Variants in CAMK1D observed in about 807,000 individuals in gnomAD.
CAMK1D encodes calcium/calmodulin dependent protein kinase ID.
CAMK1D carries 9 observed loss-of-function variants against 47.7 expected under a neutral mutation model. The observed-to-expected ratio is 0.19, with a 90% CI of 0.11 to 0.33. The LOEUF (loss-of-function observed/expected upper bound fraction) is 0.33, where lower values mean the gene tolerates loss of function less well. CAMK1D is among the 10% of genes least tolerant of loss of function. The pLI, the probability that CAMK1D is intolerant of heterozygous loss-of-function variation, is 1.00. For missense variants in CAMK1D, 291 were observed against 488.7 expected, an observed-to-expected ratio of 0.60 and a Z score of 3.81; for synonymous variants, 184 against 184.9, an observed-to-expected ratio of 0.99 and a Z score of 0.04.
intron 1 of CAMK1D, among the ~76,000 whole-genome samples, chr10:12,436,740 C>G (rs1046330706): frequency 2.0e-5 from 3 of 152,138 alleles, no homozygotes; most frequent in African/African-American, 7.2e-5. Context: ...TCCCTGAGAC[C>G]AACGGGTGAT....
At chr10:12,427,037 A>G (rs1840258014) in intron 1 of CAMK1D, among the ~76,000 whole-genome samples, 1 of 151,930 alleles carries the variant, frequency 6.6e-6, no homozygotes, top group Non-Finnish European at 1.5e-5. Flanking sequence ...TTTTAAAGAA[A>G]TGAGGTCTCC....
At position 12,368,146 on chromosome 10, in the gene CAMK1D, T is replaced by C. The variant is rs957501992; in HGVS notation, c.92+18236T>C. On this transcript the variant is annotated intron_variant, in intron 1 of 10. Transcript: ENST00000619168. ...GGCGGAGCTTGCAGTGAGCCGAGAT[T>C]GCGCCACTGCAGTCCGCAGTCCGGC... Among the ~76,000 whole-genome samples the C allele has an allele frequency of 4.6e-5, 7 of 150,662 alleles. No individual in the cohort carries two copies. The East Asian group carries it at 9.8e-4, about 21-fold the overall frequency.
At chr10:12,561,519 G>A (rs1192093576) in intron 2 of CAMK1D, among the ~76,000 whole-genome samples, 3 of 151,918 alleles carry the variant, frequency 2.0e-5, no homozygotes, top group Non-Finnish European at 2.9e-5. Context: ...CCTTTTTGCT[G>A]CATACCTACA....
At chr10:12,615,451 TGTGTGTAGGTGTGAGTGTGTGCAC>T (rs1838754863) in intron 2 of CAMK1D, among the ~76,000 whole-genome samples, 1 of 151,912 alleles carries the variant, frequency 6.6e-6, no homozygotes. Flanking sequence ...TGTGCATGTG[TGTGTGTAGGTGTGAGTGTGTGCAC>T]GTGTGTAGGT....
At chr10:12,396,066 G>C (rs980784357) in intron 1 of CAMK1D, among the ~76,000 whole-genome samples, 4 of 152,018 alleles carry the variant, frequency 2.6e-5, no homozygotes, top group Non-Finnish European at 5.9e-5. Flanking sequence ...TAGAGACAGG[G>C]TTTCATCATG....
chr10:12,806,960 C>T (rs1260321235), intron 6 of CAMK1D, among the ~76,000 whole-genome samples: 1 of 152,180 alleles, frequency 6.6e-6, no homozygotes, highest in Non-Finnish European at 1.5e-5. Context: ...TCGCTGCTGG[C>T]CAAACACATC....
intron 1 of CAMK1D, among the ~76,000 whole-genome samples, chr10:12,376,646 A>G (rs1348698595): frequency 6.6e-6 from 1 of 152,168 alleles, no homozygotes; most frequent in Non-Finnish European, 1.5e-5. Context: ...AAATCATATT[A>G]GGCTCTGCAG....
At chr10:12,435,831 C>G (rs79481236) in intron 1 of CAMK1D, among the ~76,000 whole-genome samples, 1 of 152,176 alleles carries the variant, frequency 6.6e-6, no homozygotes, top group Non-Finnish European at 1.5e-5. Context: ...GTCTTGTATT[C>G]GTGCTGCCTC....
intron 2 of CAMK1D, among the ~76,000 whole-genome samples, chr10:12,600,352 G>A (rs945368295): frequency 5.3e-5 from 8 of 152,240 alleles, no homozygotes; most frequent in African/African-American, 1.7e-4. Context: ...TGGGCCCTAC[G>A]TTTTCACTCA....
At chr10:12,691,520 C>T (rs1200651983) in intron 3 of CAMK1D, among the ~76,000 whole-genome samples, 2 of 148,076 alleles carry the variant, frequency 1.4e-5, no homozygotes, top group African/African-American at 5.0e-5. Context: ...GCAACCTCTG[C>T]CTCCGGGATT....
At chr10:12,662,249 C>T (rs1840294380) in intron 2 of CAMK1D, among the ~76,000 whole-genome samples, 1 of 152,202 alleles carries the variant, frequency 6.6e-6, no homozygotes, top group Admixed American at 6.5e-5. Flanking sequence ...AGTCAATCAA[C>T]ATTCAGAACA....
At chr10:12,556,412 C>A (rs1231449301) in intron 2 of CAMK1D, among the ~76,000 whole-genome samples, 1 of 152,198 alleles carries the variant, frequency 6.6e-6, no homozygotes, top group African/African-American at 2.4e-5. Context: ...AGTGGCATTG[C>A]AGATGCTGTG....
intron 8 of CAMK1D, among the ~76,000 whole-genome samples, chr10:12,820,628 C>T (rs541136251): frequency 6.6e-6 from 1 of 152,310 alleles, no homozygotes; most frequent in South Asian, 2.1e-4. Flanking sequence ...TTCAGCAGGG[C>T]CACCGAGGGC....
chr10:12,553,984 G>A (rs992606053), intron 2 of CAMK1D, among the ~76,000 whole-genome samples: 2 of 152,242 alleles, frequency 1.3e-5, no homozygotes, highest in Non-Finnish European at 2.9e-5. Flanking sequence ...CTCTGCCACA[G>A]ACATGGCGCC....
intron 8 of CAMK1D, among the ~76,000 whole-genome samples, chr10:12,818,516 C>A (rs937407421): frequency 1.3e-5 from 2 of 151,906 alleles, no homozygotes; most frequent in African/African-American, 4.8e-5. Context: ...ACTAAAAATA[C>A]AAAAATTAGC....
chr10:12,418,708 T>G (rs934948126), intron 1 of CAMK1D, among the ~76,000 whole-genome samples: 7 of 152,134 alleles, frequency 4.6e-5, no homozygotes, highest in Admixed American at 6.5e-5. Flanking sequence ...TTTTTCTGAT[T>G]TGCTAGTCCA....
At chr10:12,712,056 G>A (rs1833958867) in intron 3 of CAMK1D, among the ~76,000 whole-genome samples, 2 of 152,316 alleles carry the variant, frequency 1.3e-5, no homozygotes, top group South Asian at 4.1e-4. Flanking sequence ...TAGCTTTGTT[G>A]ATTGATGCTT....
In CAMK1D at chr10:12,757,852, CTTT is replaced by C. The variant is rs869125453; in HGVS notation, c.300-3075_300-3073del. 1.3e-3 allele frequency among the ~76,000 whole-genome samples: 118 copies of C among 91,440 alleles called. 2 individuals carry two copies. The East Asian group carries it at 0.02, about 16-fold the overall frequency. The allele number at this position is 91,440 out of a possible 152,430, so 60.0% of individuals were successfully genotyped here. A position where few individuals can be genotyped will look rare whatever the true frequency, so the allele number is the denominator to read the frequency against. On this transcript the variant is annotated intron_variant, in intron 3 of 10. Transcript: ENST00000619168. ...CTGATCCCAGCATGGGGGCCCTGCT[CTTT>C]TTTTTTTTTTTTTTTTTTTTGAGAT...
At chr10:12,815,687 C>A (rs1832764952) in intron 7 of CAMK1D, among the ~76,000 whole-genome samples, 1 of 152,252 alleles carries the variant, frequency 6.6e-6, no homozygotes, top group Admixed American at 6.5e-5. Context: ...CTCTCCTGGG[C>A]TGCCAACTAC....
Sources: allele counts gnomAD v4.1 joint callset (sites outside exome capture counted in the v4.1 genomes callset), GRCh38; gene constraint gnomAD v4.1.1; transcripts MANE v1.5; gene names NCBI Gene and HGNC (gene_info 2026-07-23, HGNC 2026-07-21).